Variants in DPP10 observed in about 807,000 individuals in gnomAD.
The protein encoded by DPP10 is dipeptidyl peptidase like 10.
In DPP10, 33 loss-of-function variants were observed where a neutral mutation model predicts 120.9. The ratio of observed to expected loss-of-function variants is 0.27; its 90% CI spans 0.21 to 0.37. The LOEUF is 0.37. Among genes scored for constraint, DPP10 ranks in the 10% least tolerant of loss-of-function variants. The pLI, the probability that DPP10 is intolerant of heterozygous loss-of-function variation, is 1.00. For missense variants in DPP10, 816 were observed against 942.8 expected (o/e 0.87, Z 1.76); for synonymous variants, 337 against 326.1 (o/e 1.03, Z -0.36).
At chr2:115,459,157 T>C (rs2073819011) in intron 3 of DPP10, among the ~76,000 whole-genome samples, 1 of 151,958 alleles carries the variant, frequency 6.6e-6, no homozygotes. Flanking sequence ...TCTTGTGAGT[T>C]TGATTTTTTT....
At chr2:115,704,814 A>C (rs543222195) in intron 7 of DPP10, among the ~76,000 whole-genome samples, 1 of 152,138 alleles carries the variant, frequency 6.6e-6, no homozygotes, top group South Asian at 2.1e-4. Context: ...GAGATCTAAA[A>C]TTTGATTGCT....
chr2:115,536,638 C>G (rs948284218), intron 5 of DPP10, among the ~76,000 whole-genome samples: 1 of 151,904 alleles, frequency 6.6e-6, no homozygotes, highest in Non-Finnish European at 1.5e-5. Flanking sequence ...TTTAAGGTTC[C>G]TTTTGGTTTA....
At chr2:115,682,177 C>T (rs1575515733) in intron 5 of DPP10, among the ~76,000 whole-genome samples, 1 of 151,882 alleles carries the variant, frequency 6.6e-6, no homozygotes, top group African/African-American at 2.4e-5. Flanking sequence ...AATGAAAAAT[C>T]GCTTGTACTA....
At chr2:114,932,995 G>A (rs1166279458) in intron 1 of DPP10, among the ~76,000 whole-genome samples, 1 of 152,084 alleles carries the variant, frequency 6.6e-6, no homozygotes, top group Non-Finnish European at 1.5e-5. Flanking sequence ...AGAAAGAGCA[G>A]AATAGTTATG....
intron 1 of DPP10, among the ~76,000 whole-genome samples, chr2:115,123,907 G>A (rs554194742): frequency 2.6e-5 from 4 of 151,312 alleles, no homozygotes; most frequent in African/African-American, 9.7e-5. Context: ...CACCCAACAG[G>A]CCCAGTTATA....
chr2:115,826,049 G>C (rs1369427962), intron 21 of DPP10, among the ~76,000 whole-genome samples: 1 of 152,220 alleles, frequency 6.6e-6, no homozygotes. Context: ...ACATTTTGTT[G>C]TCAGAATTAA....
intron 8 of DPP10, among the ~76,000 whole-genome samples, chr2:115,738,650 C>A (rs1676897251): frequency 6.6e-6 from 1 of 152,184 alleles, no homozygotes; most frequent in South Asian, 2.1e-4. Context: ...ATTGATTACT[C>A]ACAGTTCCGT....
At chr2:114,971,787 A>G (rs536649288) in intron 1 of DPP10, among the ~76,000 whole-genome samples, 1 of 152,336 alleles carries the variant, frequency 6.6e-6, no homozygotes, top group South Asian at 2.1e-4. Flanking sequence ...ACTAAAGAAG[A>G]TAACGATCAA....
intron 17 of DPP10, 140 bp from the exon 18 acceptor site, chr2:115,790,941 A>G: frequency 1.9e-6 from 1 of 530,976 alleles, no homozygotes; most frequent in Non-Finnish European, 3.3e-6. Context: ...AAACTGTTGT[A>G]GTAATTCAAA....
intron 9 of DPP10, among the ~76,000 whole-genome samples, chr2:115,740,170 G>A (rs1313190638): frequency 2.0e-5 from 3 of 151,960 alleles, no homozygotes; most frequent in African/African-American, 7.3e-5. Context: ...GTTGAAAGGG[G>A]AGAGAGAAGC....
intron 1 of DPP10, among the ~76,000 whole-genome samples, chr2:114,739,998 C>A (rs1677863506): frequency 6.6e-6 from 1 of 152,062 alleles, no homozygotes; most frequent in Non-Finnish European, 1.5e-5. Flanking sequence ...CCAGCCATCC[C>A]ATTACTAGGT....
intron 1 of DPP10, among the ~76,000 whole-genome samples, chr2:114,477,915 A>G (rs186473931): frequency 6.6e-6 from 1 of 150,646 alleles, no homozygotes; most frequent in Non-Finnish European, 1.5e-5. Flanking sequence ...ATGTACATAT[A>G]TGTGTATATA....
intron 5 of DPP10, among the ~76,000 whole-genome samples, chr2:115,549,855 C>T (rs1001186179): frequency 3.9e-5 from 6 of 152,150 alleles, no homozygotes; most frequent in Non-Finnish European, 5.9e-5. Flanking sequence ...GCTCCAGGAA[C>T]ATTTGATGGA....
chr2:115,278,751 C>T (rs1422869834), intron 1 of DPP10, among the ~76,000 whole-genome samples: 1 of 152,040 alleles, frequency 6.6e-6, no homozygotes, highest in Non-Finnish European at 1.5e-5. Context: ...TTAAGCTATT[C>T]ATAAGGAATC....
At chr2:115,572,748 C>T (rs544528757) in intron 5 of DPP10, among the ~76,000 whole-genome samples, 1 of 152,290 alleles carries the variant, frequency 6.6e-6, no homozygotes, top group South Asian at 2.1e-4. Flanking sequence ...ATTTGACAAG[C>T]ATCTCTAAAG....
intron 1 of DPP10, chr2:114,835,686 A>T (rs925839143): frequency 2.6e-5 from 4 of 152,196 alleles, no homozygotes; most frequent in Non-Finnish European, 5.9e-5. Context: ...CACTAAGAGC[A>T]TGGGATAATA....
chr2:115,276,123 A>G (rs968179457), intron 1 of DPP10, among the ~76,000 whole-genome samples: 43 of 152,324 alleles, frequency 2.8e-4, no homozygotes, highest in African/African-American at 1.0e-3. Flanking sequence ...TTATAGTTCT[A>G]CTTTGCTCTT....
intron 1 of DPP10, among the ~76,000 whole-genome samples, chr2:114,927,446 T>A (rs1431073112): frequency 1.3e-5 from 2 of 152,152 alleles, no homozygotes; most frequent in Admixed American, 6.5e-5. Flanking sequence ...GTACATTAAT[T>A]CATCCAGAAA....
chr2:115,446,345 G>A (rs2072585975), intron 3 of DPP10, among the ~76,000 whole-genome samples: 1 of 152,186 alleles, frequency 6.6e-6, no homozygotes, highest in African/African-American at 2.4e-5. Flanking sequence ...CACACACAGA[G>A]TCCCCACTGG....
Sources: gnomAD v4.1 joint callset for allele counts (sites outside exome capture counted in the v4.1 genomes callset) on GRCh38, gnomAD v4.1.1 for gene constraint, MANE v1.5 for transcripts, NCBI Gene and HGNC (gene_info 2026-07-23, HGNC 2026-07-21) for gene names.